RTN4: variants seen among roughly 807,000 people sequenced by gnomAD.
RTN4 encodes the protein reticulon 4.
A neutral mutation model predicts 90.4 loss-of-function variants in RTN4; 32 were observed. The observed-to-expected ratio is 0.35, with a 90% CI of 0.27 to 0.48. The LOEUF (loss-of-function observed/expected upper bound fraction) is 0.48, where lower values mean the gene tolerates loss of function less well. Among genes scored for constraint, RTN4 ranks in the 20% least tolerant of loss-of-function variants. RTN4 has a pLI of 0.99. For synonymous variants in RTN4, 629 were observed against 552.5 expected, an observed-to-expected ratio of 1.14 and a Z score of -1.94; for missense variants, 1,706 against 1,430.2, an observed-to-expected ratio of 1.19 and a Z score of -3.11.
chr2:55,121,431 G>A, the RTN4 span, among the ~76,000 whole-genome samples: 1 of 152,232 alleles, frequency 6.6e-6, no homozygotes, highest in Non-Finnish European at 1.5e-5. Flanking sequence ...AGAGACGTCA[G>A]CCCAAGACCA....
Position 54,972,553 on chromosome 2 carries a change from C to T in RTN4, c.*603G>A, listed in dbSNP as rs1482056836. The T allele has an allele frequency of 6.6e-6, 1 of 152,596 alleles. No homozygotes were observed. The allele number at this position is 152,596 out of a possible 1,614,324, so 9.5% of individuals were successfully genotyped here. A position where few individuals can be genotyped will look rare whatever the true frequency, so the allele number is the denominator to read the frequency against. On this transcript the variant is annotated 3_prime_UTR_variant, in exon 9 of 9. Coordinates refer to ENST00000337526, the MANE Select transcript of RTN4 (RefSeq NM_020532.5). ...CAATGACTGACTCTGAAATATCAAGCACTGTGGGGTGGCTGGAAGGTAAAG... is the reference window on the plus strand; with the variant it reads ...CAATGACTGACTCTGAAATATCAAGTACTGTGGGGTGGCTGGAAGGTAAAG...
chr2:54,973,955 A>T, intron 6 of RTN4, 88 bp from the exon 7 acceptor site: 1 of 1,142,394 alleles, frequency 8.8e-7, no homozygotes, highest in Non-Finnish European at 1.3e-6. Context: ...TGGCAACTCA[A>T]GATAACCAAG....
chr2:55,127,592 C>A, the RTN4 span, among the ~76,000 whole-genome samples: 1 of 152,208 alleles, frequency 6.6e-6, no homozygotes, highest in Admixed American at 6.5e-5. Flanking sequence ...TTCATCACGT[C>A]ATCCATCCTC....
At position 54,973,632 on chromosome 2, in the gene RTN4, G is replaced by C. The variant is rs1181042426; in HGVS notation, c.3478-11C>G. ...ATGATCTATCTGTGCCTGAAAGAGAGGTATAAAGGAATTATTACCGTTGCT... is the reference window on the plus strand; with the variant it reads ...ATGATCTATCTGTGCCTGAAAGAGACGTATAAAGGAATTATTACCGTTGCT... On this transcript the variant is annotated splice_polypyrimidine_tract_variant and intron_variant, in intron 7 of 8. Coordinates refer to ENST00000337526, the MANE Select transcript of RTN4 (RefSeq NM_020532.5). 1 of 1,602,872 alleles carries C rather than the reference G, an allele frequency of 6.2e-7. No individual in the cohort carries two copies. Among genetic ancestry groups the C allele is most frequent in the Non-Finnish European group, 8.5e-7 (1 of 1,169,984 alleles).
chr2:55,003,098 T>C (rs775878496), intron 3 of RTN4, among the ~76,000 whole-genome samples: 1 of 152,096 alleles, frequency 6.6e-6, no homozygotes, highest in Non-Finnish European at 1.5e-5. Context: ...CTCTAGAAAC[T>C]TGAAGCTTAA....
chr2:55,036,822 T>C (rs767428328), intron 1 of RTN4, among the ~76,000 whole-genome samples: 1 of 151,974 alleles, frequency 6.6e-6, no homozygotes, highest in Non-Finnish European at 1.5e-5. Flanking sequence ...TCAGGATATC[T>C]AGGAAAAATA....
chr2:55,025,450 A>G lies in RTN4; in HGVS notation c.2649T>C (p.Ser883=), dbSNP rs1472135023. 3 of 1,613,828 alleles carry G rather than the reference A, an allele frequency of 1.9e-6. No individual in the cohort carries two copies. The highest frequency in any genetic ancestry group is 2.5e-6 in the Non-Finnish European group (3 of 1,179,850). ...TLISSKTDSF[S]KLAREYTDLE... The stretch of plus-strand genomic sequence containing the variant: ...GGTCAGTATATTCCCTGGCTAATTT[A>G]GAAAATGAATCAGTTTTAGAACTGA... Residue 883 remains serine, a synonymous_variant, in exon 3 of 9, where the codon TCT becomes TCC. Coordinates refer to ENST00000337526, the MANE Select transcript of RTN4 (RefSeq NM_020532.5).
At chr2:55,117,393 C>T (rs1214236843), upstream of RTN4, among the ~76,000 whole-genome samples, 1 of 152,186 alleles carries the variant, frequency 6.6e-6, no homozygotes, top group African/African-American at 2.4e-5. Context: ...TCACCTCAAG[C>T]TCATCCTGGA....
chr2:55,061,891 C>T (rs1668300567), intron 2 of RTN4, among the ~76,000 whole-genome samples: 1 of 152,222 alleles, frequency 6.6e-6, no homozygotes, highest in Non-Finnish European at 1.5e-5. Context: ...TGGCCTGCCA[C>T]GCCCCCATCC....
chr2:55,016,279 A>C (rs1197344687), intron 3 of RTN4, among the ~76,000 whole-genome samples: 3 of 152,072 alleles, frequency 2.0e-5, no homozygotes, highest in Non-Finnish European at 4.4e-5. Context: ...ACACTATTAC[A>C]TTCTTAAAAA....
chr2:55,033,062 A>G (rs1047859227), intron 1 of RTN4, among the ~76,000 whole-genome samples: 5 of 151,592 alleles, frequency 3.3e-5, no homozygotes, highest in African/African-American at 1.2e-4. Context: ...AAAAAAAAAA[A>G]AAAGAAAAAA....
chr2:55,050,317 T>C lies in RTN4; in HGVS notation c.-17A>G. 1 of 1,388,716 alleles carries C rather than the reference T, an allele frequency of 7.2e-7. No individual in the cohort carries two copies. Among genetic ancestry groups the C allele is most frequent in the African/African-American group, 1.5e-5 (1 of 66,632 alleles). 86.0% of individuals were successfully genotyped at this position (1,388,716 alleles called of 1,614,324 possible). On this transcript the variant is annotated 5_prime_UTR_variant, in exon 1 of 9. Transcript: ENST00000337526. This position sits in a 1 kb window ranked among gnomAD's most constrained non-coding sequence, Gnocchi z 4.6. ...GTCTTCCATGGCTGGAGGGTGGAGA[T>C]GATGCTGCAGCTGCTGCCGCCGCCG...
In RTN4 at chr2:54,974,712, A is replaced by G; in HGVS notation, c.3413T>C (p.Leu1138Pro). ...AGACTTACCCAAAATCAGTAGTGTCAGACCATTAAACAAGGCACCAACATA... is the reference window on the plus strand; with the variant it reads ...AGACTTACCCAAAATCAGTAGTGTCGGACCATTAAACAAGGCACCAACATA... ...FTYVGALFNG[L>P]TLLILALISL... Residue 1138 changes from leucine (L) to proline (P), a missense_variant, in exon 6 of 9, where the codon CTG (leucine) becomes CCG (proline). By Grantham distance (98) the Leu-to-Pro change is moderately conservative. Transcript: ENST00000337526. 2 of 1,613,906 alleles carry G rather than the reference A, an allele frequency of 1.2e-6. No homozygotes were observed. Among genetic ancestry groups the G allele is most frequent in the Non-Finnish European group, 1.7e-6 (2 of 1,179,724 alleles).
intron 2 of RTN4, among the ~76,000 whole-genome samples, chr2:55,064,594 A>G (rs911908725): frequency 6.6e-6 from 1 of 152,146 alleles, no homozygotes; most frequent in African/African-American, 2.4e-5. Flanking sequence ...CAGGTGATCC[A>G]TCAGCCTTGG....
At chr2:55,028,251 GA>G (rs1315778964) in intron 1 of RTN4, 31 bp from the exon 2 acceptor site, 46 of 1,592,802 alleles carry the variant, frequency 2.9e-5, no homozygotes, top group Non-Finnish European at 3.9e-5. Flanking sequence ...AACCTCAGCA[GA>G]AATAAAGACA....
chr2:55,059,255 T>C (rs1056275891), intron 2 of RTN4, among the ~76,000 whole-genome samples: 2 of 152,186 alleles, frequency 1.3e-5, no homozygotes, highest in East Asian at 3.8e-4. Context: ...ACTTTTTGTT[T>C]TGCCTGTGCT....
At chr2:55,113,878 C>T (rs748264036), upstream of RTN4, among the ~76,000 whole-genome samples, 3 of 152,168 alleles carry the variant, frequency 2.0e-5, no homozygotes, top group Admixed American at 6.5e-5. Context: ...GGAATGTTCT[C>T]GGCCATCCCT....
At chr2:55,133,047 A>G in the RTN4 span, among the ~76,000 whole-genome samples, 1 of 139,088 alleles carries the variant, frequency 7.2e-6, no homozygotes, top group Non-Finnish European at 1.6e-5. Context: ...CCGTGTCTCT[A>G]CTAAAATACA....
chr2:54,982,693 T>A (rs1169539788), intron 4 of RTN4, 40 bp from the exon 5 acceptor site: 1 of 1,563,466 alleles, frequency 6.4e-7, no homozygotes, highest in African/African-American at 1.4e-5. Flanking sequence ...CTAATTGGAG[T>A]GATTTTCCCC....
Sources: gnomAD v4.1 joint callset for allele counts (sites outside exome capture counted in the v4.1 genomes callset) on GRCh38, gnomAD v4.1.1 for gene constraint, Gnocchi (gnomAD v3.1) non-coding constraint, MANE v1.5 for transcripts, NCBI Gene and HGNC (gene_info 2026-07-23, HGNC 2026-07-21) for gene names.